DOCK1: variants seen among roughly 807,000 people sequenced by gnomAD.
DOCK1 encodes the protein dedicator of cytokinesis protein 1.
Under a neutral mutation model 262.7 loss-of-function variants are expected in DOCK1, and 138 were observed. The ratio of observed to expected loss-of-function variants is 0.53; its 90% CI spans 0.46 to 0.61. The LOEUF is 0.61. Ranked by LOEUF, DOCK1 falls within the 20% of genes least tolerant of loss-of-function variation. The pLI is 0.00. For missense variants in DOCK1, 1,908 were observed against 2,370.7 expected (o/e 0.80, Z 4.05); for synonymous variants, 866 against 867.4 (o/e 1.00, Z 0.03).
chr10:127,353,927 G>A (rs891262775), intron 31 of DOCK1, among the ~76,000 whole-genome samples: 1 of 152,196 alleles, frequency 6.6e-6, no homozygotes, highest in African/African-American at 2.4e-5. Flanking sequence ...ACGAGGATGA[G>A]CAGAGCAGGC....
At chr10:127,319,157 C>T (rs983536173) in intron 29 of DOCK1, among the ~76,000 whole-genome samples, 7 of 152,186 alleles carry the variant, frequency 4.6e-5, no homozygotes, top group South Asian at 2.1e-4. Context: ...ACCAAAGGCG[C>T]GTGGTGCAAA....
chr10:127,426,639 AGTTTGAAT>A (rs533898315), intron 47 of DOCK1, among the ~76,000 whole-genome samples: 1 of 152,286 alleles, frequency 6.6e-6, no homozygotes, highest in African/African-American at 2.4e-5. Flanking sequence ...GAGAGGCAGG[AGTTTGAAT>A]GGCAGGCCAG....
intron 24 of DOCK1, among the ~76,000 whole-genome samples, chr10:127,107,151 C>T (rs2048580539): frequency 6.6e-6 from 1 of 152,072 alleles, no homozygotes. Flanking sequence ...AAACCCCAGA[C>T]ATTCAATAGC....
chr10:127,178,839 T>C (rs1304075628), intron 27 of DOCK1, among the ~76,000 whole-genome samples: 1 of 152,054 alleles, frequency 6.6e-6, no homozygotes, highest in Non-Finnish European at 1.5e-5. Context: ...ATCGATGGCT[T>C]TTAGAGATTC....
chr10:127,372,668 T>C (rs902897207), intron 33 of DOCK1, among the ~76,000 whole-genome samples: 5 of 152,272 alleles, frequency 3.3e-5, no homozygotes, highest in Admixed American at 3.3e-4. Flanking sequence ...TCCACTGGGA[T>C]CCTAATAACA....
Position 127,412,693 on chromosome 10 carries a change from C to T in DOCK1, c.4428+1769C>T, listed in dbSNP as rs532397864. Reference sequence around the variant, plus strand: ...GTAAAGAGTGGTGGCTACCCAGTCTCCCTCCCAATCCCTCAGGGGTCTGCC... The same window carrying T: ...GTAAAGAGTGGTGGCTACCCAGTCTTCCTCCCAATCCCTCAGGGGTCTGCC... On this transcript the variant is annotated intron_variant, in intron 43 of 51. Transcript: ENST00000623213. Among the ~76,000 whole-genome samples the T allele has an allele frequency of 8.3e-4, 126 of 152,330 alleles. 1 individual carries two copies. The South Asian group carries it at 0.026, about 32-fold the overall frequency.
intron 33 of DOCK1, among the ~76,000 whole-genome samples, chr10:127,372,438 C>G (rs1408107238): frequency 6.6e-6 from 1 of 152,162 alleles, no homozygotes; most frequent in African/African-American, 2.4e-5. Context: ...GATTTATCAA[C>G]CCTCTAGACC....
chr10:127,028,069 C>CG (rs1358518458), intron 16 of DOCK1, among the ~76,000 whole-genome samples: 1 of 20,626 alleles, frequency 4.8e-5, no homozygotes, highest in Admixed American at 6.1e-4. Context: ...CGGGGGAGTG[C>CG]GGGGGGTGGG....
intron 30 of DOCK1, among the ~76,000 whole-genome samples, chr10:127,339,946 C>T (rs1043310022): frequency 6.6e-6 from 1 of 152,132 alleles, no homozygotes; most frequent in Admixed American, 6.5e-5. Context: ...AGATGATTCA[C>T]TCTCTCAAAA....
At chr10:127,071,880 A>G (rs574948389) in intron 23 of DOCK1, among the ~76,000 whole-genome samples, 3 of 152,172 alleles carry the variant, frequency 2.0e-5, no homozygotes, top group Non-Finnish European at 2.9e-5. Context: ...TTAGAGGACA[A>G]TGCTTTAATT....
At position 127,000,300 on chromosome 10, in the gene DOCK1, A is replaced by C. The variant is rs2040494731; in HGVS notation, c.978A>C (p.Gly326=). Residue 326 remains glycine, a synonymous_variant, in exon 10 of 52, where the codon GGA becomes GGC. Coordinates refer to ENST00000623213, the MANE Select transcript of DOCK1 (RefSeq NM_001290223.2). Reference sequence around the variant, plus strand: ...CCTCGGGGTTGCGGCGACCTTTTGGAGTGGCTGGTAATCTATTTCTCTGTG... The same window carrying C: ...CCTCGGGGTTGCGGCGACCTTTTGGCGTGGCTGGTAATCTATTTCTCTGTG... ...KLTSGLRRPF[G]VAVMDVTDII... is the part of the protein sequence containing the mutation. 6.2e-7 allele frequency: 1 copy of C among 1,613,834 alleles called. No homozygotes were observed. The highest frequency in any genetic ancestry group is 1.1e-5 in the South Asian group (1 of 91,040).
Position 127,024,669 on chromosome 10 carries a change from A to G in DOCK1, c.1453-16A>G. 1.2e-6 allele frequency: 2 copies of G among 1,600,956 alleles called. No homozygotes were observed. Among genetic ancestry groups the G allele is most frequent in the Non-Finnish European group, 1.7e-6 (2 of 1,173,432 alleles). On this transcript the variant is annotated splice_polypyrimidine_tract_variant and intron_variant, in intron 14 of 51. Coordinates refer to ENST00000623213, the MANE Select transcript of DOCK1 (RefSeq NM_001290223.2). Reference sequence around the variant, plus strand: ...CTATGAGGTCTTACGTGAGCTCTTTATGTCTTCTTTTAAAGCATGTGATTT... The same window carrying G: ...CTATGAGGTCTTACGTGAGCTCTTTGTGTCTTCTTTTAAAGCATGTGATTT...
chr10:126,914,260 A>G (rs572917733), intron 1 of DOCK1, among the ~76,000 whole-genome samples: 1 of 152,146 alleles, frequency 6.6e-6, no homozygotes, highest in South Asian at 2.1e-4. Flanking sequence ...AGATCTCTAC[A>G]TCTCTCATCA....
Position 127,361,406 on chromosome 10 carries a change from A to G in DOCK1, c.3284-658A>G, listed in dbSNP as rs145361815. On this transcript the variant is annotated intron_variant, in intron 32 of 51. Coordinates refer to ENST00000623213, the MANE Select transcript of DOCK1 (RefSeq NM_001290223.2). Reference sequence around the variant, plus strand: ...TGGGATTACAGGCGTGAGCCACCACACCCGGCCTAAAGTAGTTATTTAAAT... The same window carrying G: ...TGGGATTACAGGCGTGAGCCACCACGCCCGGCCTAAAGTAGTTATTTAAAT... 3.9e-3 allele frequency among the ~76,000 whole-genome samples: 594 copies of G among 152,118 alleles called. 2 individuals are homozygous for G. Among genetic ancestry groups the G allele is most frequent in the Middle Eastern group, 0.01 (3 of 294 alleles).
chr10:127,105,566 G>T (rs1037215726), intron 23 of DOCK1, among the ~76,000 whole-genome samples: 1 of 152,134 alleles, frequency 6.6e-6, no homozygotes, highest in Admixed American at 6.5e-5. Context: ...TTCTGAGGGG[G>T]ACAGGTCTTC....
At chr10:127,128,274 C>T (rs1415308469) in intron 27 of DOCK1, among the ~76,000 whole-genome samples, 1 of 151,376 alleles carries the variant, frequency 6.6e-6, no homozygotes, top group African/African-American at 2.4e-5. Context: ...CTGCTGTCCT[C>T]TGCACCCCCT....
At chr10:127,074,348 A>G (rs1455686447) in intron 23 of DOCK1, among the ~76,000 whole-genome samples, 1 of 152,184 alleles carries the variant, frequency 6.6e-6, no homozygotes, top group Non-Finnish European at 1.5e-5. Context: ...ACCAGACCCC[A>G]GTTCTCTGTT....
rs1315431844 is a variant in DOCK1 at position 127,182,807 on chromosome 10, G to A, written c.2847+55043G>A. The stretch of plus-strand genomic sequence containing the variant: ...CCCATCATCATGACAGTGACAGAGT[G>A]TGAGACAGGAGGGCTGTGCTTTGAA... On this transcript the variant is annotated intron_variant, in intron 27 of 51. Transcript: ENST00000623213. 2.6e-5 allele frequency among the ~76,000 whole-genome samples: 4 copies of A among 152,172 alleles called. No individual in the cohort carries two copies. In the East Asian group the frequency reaches 5.9e-4, roughly 22 times the overall value.
At chr10:127,321,108 G>A (rs2062499573) in intron 29 of DOCK1, among the ~76,000 whole-genome samples, 1 of 152,094 alleles carries the variant, frequency 6.6e-6, no homozygotes, top group Admixed American at 6.5e-5. Flanking sequence ...TGGCGCCCTT[G>A]CTGTTAAGTG....
Sources: gnomAD v4.1 joint callset for allele counts (sites outside exome capture counted in the v4.1 genomes callset) on GRCh38, gnomAD v4.1.1 for gene constraint, MANE v1.5 for transcripts, NCBI Gene and HGNC (gene_info 2026-07-23, HGNC 2026-07-21) for gene names.